The following LIMCH1 variants were observed in gnomAD, a reference collection of about 807,000 sequenced individuals.
LIMCH1 encodes LIM and calponin homology domains-containing protein 1.
In LIMCH1, 113 loss-of-function variants were observed where a neutral mutation model predicts 176.5. The observed-to-expected ratio is 0.64, with a 90% CI of 0.55 to 0.75. The LOEUF (loss-of-function observed/expected upper bound fraction) is 0.75. LIMCH1 is among the 30% of genes least tolerant of loss of function. The probability of loss-of-function intolerance (pLI) is 0.00; values close to 1 mark genes in which losing one functional copy is unlikely to be tolerated. For missense variants in LIMCH1, 1,674 were observed against 1,814.9 expected (o/e 0.92, Z 1.41); for synonymous variants, 619 against 645.9 (o/e 0.96, Z 0.63).
chr4:41,665,293 A>G (rs1390372569), intron 20 of LIMCH1, among the ~76,000 whole-genome samples: 1 of 152,168 alleles, frequency 6.6e-6, no homozygotes, highest in African/African-American at 2.4e-5. Context: ...ACCAGGCATT[A>G]CTGAAACATG....
intron 2 of LIMCH1, among the ~76,000 whole-genome samples, chr4:41,506,944 C>T: frequency 6.6e-6 from 1 of 152,160 alleles, no homozygotes; most frequent in East Asian, 1.9e-4. Context: ...ATTTAGATGC[C>T]AGTTGCAAAT....
At chr4:41,581,216 G>A (rs1472356796) in intron 1 of LIMCH1, among the ~76,000 whole-genome samples, 5 of 151,682 alleles carry the variant, frequency 3.3e-5, no homozygotes, top group Non-Finnish European at 7.4e-5. Flanking sequence ...ATGTATTTAA[G>A]GTGTGCAACA....
chr4:41,593,655 C>G (rs1162168423), intron 1 of LIMCH1, among the ~76,000 whole-genome samples: 1 of 152,190 alleles, frequency 6.6e-6, no homozygotes, highest in Non-Finnish European at 1.5e-5. Context: ...CAGGGTCATC[C>G]AGCTATGGTC....
intron 1 of LIMCH1, among the ~76,000 whole-genome samples, chr4:41,393,166 A>G (rs569757343): frequency 1.3e-5 from 2 of 152,378 alleles, no homozygotes; most frequent in South Asian, 4.1e-4. Flanking sequence ...GAGCCCATTC[A>G]TGATGAAGAC....
At chr4:41,528,413 C>T (rs1359577183) in intron 3 of LIMCH1, among the ~76,000 whole-genome samples, 1 of 152,074 alleles carries the variant, frequency 6.6e-6, no homozygotes, top group Non-Finnish European at 1.5e-5. Context: ...ACATAGGAAA[C>T]CTCAAATAAT....
At chr4:41,437,855 T>C (rs544108167) in intron 1 of LIMCH1, among the ~76,000 whole-genome samples, 3 of 152,346 alleles carry the variant, frequency 2.0e-5, no homozygotes, top group South Asian at 4.1e-4. Flanking sequence ...CTTAGGTCTT[T>C]AGCTGTTGTT....
chr4:41,587,442 G>A lies in LIMCH1; in HGVS notation c.-240-11478G>A, dbSNP rs1040263198. Among the ~76,000 whole-genome samples, 5 of 152,120 alleles carry A rather than the reference G, an allele frequency of 3.3e-5. No homozygotes were observed. The East Asian group carries it at 9.7e-4, about 29-fold the overall frequency. ...GTAAGAAGAGAGTCAGTCCTCTGAC[G>A]GGGTGCCAGCCTTCAATAATGAAAC... On this transcript the variant is annotated intron_variant, in intron 1 of 31. Transcript: ENST00000503057.
At chr4:41,436,720 G>A (rs28605241) in intron 1 of LIMCH1, among the ~76,000 whole-genome samples, 37,851 of 151,920 alleles carry the variant, frequency 0.25, 6,329 homozygotes, top group African/African-American at 0.47. Context: ...GAGCCTTCGT[G>A]TGTGTTTCAG....
At chr4:41,406,813 G>A (rs2059005541) in intron 1 of LIMCH1, among the ~76,000 whole-genome samples, 1 of 151,988 alleles carries the variant, frequency 6.6e-6, no homozygotes, top group African/African-American at 2.4e-5. Flanking sequence ...AACTGAGGCG[G>A]GATATATATT....
At chr4:41,422,073 G>T (rs2154131464) in intron 1 of LIMCH1, among the ~76,000 whole-genome samples, 1 of 152,084 alleles carries the variant, frequency 6.6e-6, no homozygotes, top group South Asian at 2.1e-4. Flanking sequence ...ACAGAGCGAG[G>T]CTCTGTCTCA....
chr4:41,473,188 G>C, intron 1 of LIMCH1: 1 of 985,280 alleles, frequency 1.0e-6, no homozygotes, highest in Non-Finnish European at 1.2e-6. Flanking sequence ...AGAGTGAGAA[G>C]AGGAAAGGTG....
intron 27 of LIMCH1, 101 bp from the exon 28 acceptor site, chr4:41,685,609 A>G (rs895047677): frequency 5.0e-6 from 7 of 1,413,616 alleles, no homozygotes; most frequent in East Asian, 4.7e-5. Flanking sequence ...TGAAATCGCT[A>G]TAAAACCTCA....
chr4:41,430,424 C>T (rs371425313), intron 1 of LIMCH1, among the ~76,000 whole-genome samples: 5 of 152,108 alleles, frequency 3.3e-5, no homozygotes, highest in East Asian at 1.9e-4. Context: ...CCACTACGCC[C>T]GGCTAATTTT....
intron 1 of LIMCH1, among the ~76,000 whole-genome samples, chr4:41,486,945 C>G (rs2069660868): frequency 6.9e-6 from 1 of 145,552 alleles, no homozygotes; most frequent in Middle Eastern, 3.5e-3. Flanking sequence ...CCACGCCCAG[C>G]TGATATATAT....
At position 41,361,040 on chromosome 4, in the gene LIMCH1, C is replaced by G. The variant is rs976025823; in HGVS notation, c.96+104C>G. ...AGCCTTGCCTCCCCCCAACCGCCCC[C>G]ACTTTCTTTTGCCAGCTGCTCCAGG... On this transcript the variant is annotated intron_variant, in intron 1 of 26. Coordinates refer to the LIMCH1 transcript ENST00000313860. 8.4e-6 allele frequency: 6 copies of G among 716,378 alleles called. No homozygotes were observed. In the African/African-American group the frequency reaches 9.5e-5, roughly 11 times the overall value. 44.4% of individuals were successfully genotyped at this position (716,378 alleles called of 1,614,324 possible).
chr4:41,514,125 CT>C (rs2075306285), intron 2 of LIMCH1, among the ~76,000 whole-genome samples: 1 of 149,248 alleles, frequency 6.7e-6, no homozygotes, highest in Non-Finnish European at 1.5e-5. Context: ...GTTTTGAGTC[CT>C]TCCCAATACT....
intron 1 of LIMCH1, among the ~76,000 whole-genome samples, chr4:41,582,866 A>G (rs1384196879): frequency 6.6e-6 from 1 of 152,176 alleles, no homozygotes; most frequent in African/African-American, 2.4e-5. Flanking sequence ...TGGCTTTTAA[A>G]TCAGACTGGC....
chr4:41,557,141 C>G (rs938343478), intron 1 of LIMCH1, among the ~76,000 whole-genome samples: 1 of 152,140 alleles, frequency 6.6e-6, no homozygotes, highest in African/African-American at 2.4e-5. Context: ...TCCTTGTGTT[C>G]TAATGTTGCA....
chr4:41,505,285 A>G (rs945761067), intron 2 of LIMCH1, among the ~76,000 whole-genome samples: 1 of 152,212 alleles, frequency 6.6e-6, no homozygotes, highest in Non-Finnish European at 1.5e-5. Context: ...GAAATAGTCC[A>G]AAAGTCAATT....
Sources: gnomAD v4.1 joint callset for allele counts (sites outside exome capture counted in the v4.1 genomes callset) on GRCh38, gnomAD v4.1.1 for gene constraint, MANE v1.5 for transcripts, NCBI Gene and HGNC (gene_info 2026-07-23, HGNC 2026-07-21) for gene names.